The following DGKG variants were observed in gnomAD, a reference collection of about 807,000 sequenced individuals.
The protein encoded by DGKG is DAG kinase gamma.
A neutral mutation model predicts 105.3 loss-of-function variants in DGKG; 78 were observed. The ratio of observed to expected loss-of-function variants is 0.74; its 90% CI spans 0.62 to 0.89. The LOEUF (loss-of-function observed/expected upper bound fraction) is 0.89, where lower values mean the gene tolerates loss of function less well. Among genes scored for constraint, DGKG ranks in the 40% least tolerant of loss-of-function variants. The pLI is 0.00. For synonymous variants in DGKG, 346 were observed against 367.1 expected (o/e 0.94, Z 0.66); for missense variants, 958 against 1,020.1 (o/e 0.94, Z 0.83).
intron 3 of DGKG, among the ~76,000 whole-genome samples, chr3:186,302,531 TAC>T (rs1400633439): frequency 1.3e-4 from 5 of 37,998 alleles, no homozygotes; most frequent in African/African-American, 1.9e-4. Context: ...TATATATATA[TAC>T]ATATGTATAT....
chr3:186,338,169 C>CAAA (rs34436386), intron 1 of DGKG, among the ~76,000 whole-genome samples: 32 of 75,816 alleles, frequency 4.2e-4, no homozygotes, highest in African/African-American at 1.3e-3. Context: ...GACCCTATCT[C>CAAA]AAAAAAAAAA....
At chr3:186,204,040 C>T (rs559299362) in intron 21 of DGKG, among the ~76,000 whole-genome samples, 10 of 152,306 alleles carry the variant, frequency 6.6e-5, no homozygotes, top group African/African-American at 2.4e-4. Context: ...CGTGAGTTCT[C>T]TTCTGCACAT....
At chr3:186,187,260 C>A (rs1717686449) in intron 22 of DGKG, among the ~76,000 whole-genome samples, 1 of 152,168 alleles carries the variant, frequency 6.6e-6, no homozygotes, top group Admixed American at 6.5e-5. Flanking sequence ...ATCCAGGGGA[C>A]AGAGGATGGT....
Position 186,268,933 on chromosome 3 carries a change from G to T in DGKG, c.1000-16C>A. On this transcript the variant is annotated splice_polypyrimidine_tract_variant and intron_variant, in intron 11 of 24. Transcript: ENST00000265022. ...GCTGCATCACCTGCGGGAGGGAAGC[G>T]AACGATGCCAGGGAAAATGGCAGAA... is the stretch of plus-strand genomic sequence containing the variant. The T allele has an allele frequency of 6.3e-7, 1 of 1,580,316 alleles. No individual in the cohort carries two copies. The highest frequency in any genetic ancestry group is 8.7e-7 in the Non-Finnish European group (1 of 1,149,964).
intron 21 of DGKG, among the ~76,000 whole-genome samples, chr3:186,201,477 G>A (rs1270430732): frequency 6.6e-6 from 1 of 152,190 alleles, no homozygotes; most frequent in East Asian, 1.9e-4. Context: ...TGTTGGGTGG[G>A]AAAGAGGTGG....
chr3:186,301,488 G>A (rs1290767737), intron 3 of DGKG, among the ~76,000 whole-genome samples: 3 of 152,210 alleles, frequency 2.0e-5, no homozygotes, highest in South Asian at 4.1e-4. Flanking sequence ...TTAGCTGGGC[G>A]TGGTGGCGGG....
chr3:186,235,253 G>A (rs1275890332), intron 20 of DGKG, among the ~76,000 whole-genome samples: 1 of 152,146 alleles, frequency 6.6e-6, no homozygotes. Flanking sequence ...ACAGGAATAA[G>A]AAAAAACACA....
At chr3:186,200,473 T>G (rs1718398365) in intron 21 of DGKG, among the ~76,000 whole-genome samples, 1 of 152,184 alleles carries the variant, frequency 6.6e-6, no homozygotes, top group Non-Finnish European at 1.5e-5. Context: ...TGAAAAGTAG[T>G]GAGCTTCCTA....
intron 22 of DGKG, among the ~76,000 whole-genome samples, chr3:186,176,591 G>A (rs1456481774): frequency 8.5e-5 from 13 of 152,156 alleles, no homozygotes; most frequent in African/African-American, 2.7e-4. Context: ...AGAATCCTAT[G>A]TTTGGAATAC....
In DGKG at chr3:186,317,681, T is replaced by C. The variant is rs528119915; in HGVS notation, c.67+2712A>G. Among the ~76,000 whole-genome samples, 5 of 152,262 alleles carry C rather than the reference T, an allele frequency of 3.3e-5. No individual in the cohort carries two copies. The South Asian group carries it at 1.0e-3, about 32-fold the overall frequency. ...TACAGTTCCTGGAGTCTGGAAACAATGCGTGCATCAGGAGGCCTCCCACCA... is the reference window on the plus strand; with the variant it reads ...TACAGTTCCTGGAGTCTGGAAACAACGCGTGCATCAGGAGGCCTCCCACCA... On this transcript the variant is annotated intron_variant, in intron 2 of 24. Coordinates refer to ENST00000265022, the MANE Select transcript of DGKG (RefSeq NM_001346.3).
At chr3:186,259,647 G>A (rs978975700) in intron 16 of DGKG, among the ~76,000 whole-genome samples, 24 of 152,172 alleles carry the variant, frequency 1.6e-4, no homozygotes, top group Non-Finnish European at 2.9e-4. Flanking sequence ...TGGGCAAATG[G>A]CTGCGTGCTG....
chr3:186,170,206 T>C (rs1315089374), intron 22 of DGKG, among the ~76,000 whole-genome samples: 1 of 152,206 alleles, frequency 6.6e-6, no homozygotes, highest in Admixed American at 6.5e-5. Context: ...TCAGAATGTG[T>C]GAGCATAGGA....
intron 1 of DGKG, among the ~76,000 whole-genome samples, chr3:186,360,146 G>A (rs1727160351): frequency 6.6e-6 from 1 of 152,112 alleles, no homozygotes; most frequent in Admixed American, 6.5e-5. Flanking sequence ...TGTTGATGGT[G>A]TTGTGTGGGG....
chr3:186,156,187 C>G (rs892949837), intron 24 of DGKG, among the ~76,000 whole-genome samples: 7 of 152,040 alleles, frequency 4.6e-5, no homozygotes, highest in African/African-American at 1.7e-4. Context: ...AATCCCTGCC[C>G]CCAGTGTAAT....
At position 186,257,788 on chromosome 3, in the gene DGKG, C is replaced by T. The variant is rs866728742; in HGVS notation, c.1510+66G>A. 6 of 1,270,540 alleles carry T rather than the reference C, an allele frequency of 4.7e-6. No individual in the cohort carries two copies. The East Asian group carries it at 7.0e-5, about 15-fold the overall frequency. 78.7% of individuals were successfully genotyped at this position (1,270,540 alleles called of 1,614,324 possible). A position where few individuals can be genotyped will look rare whatever the true frequency, so the allele number is the denominator to read the frequency against. The stretch of plus-strand genomic sequence containing the variant: ...CTCCATGTCTCTTTCTTTTTTATTG[C>T]CTTCTGCTGATTGTAAATACGCTTA... On this transcript the variant is annotated intron_variant, in intron 17 of 24. Transcript: ENST00000265022.
At chr3:186,356,432 C>T (rs1025621518) in intron 1 of DGKG, among the ~76,000 whole-genome samples, 11 of 152,034 alleles carry the variant, frequency 7.2e-5, no homozygotes, top group Admixed American at 3.9e-4. Flanking sequence ...GGGCAAGTAT[C>T]GGGTGAAGGC....
At chr3:186,348,827 G>A (rs374390507) in intron 1 of DGKG, among the ~76,000 whole-genome samples, 1 of 152,038 alleles carries the variant, frequency 6.6e-6, no homozygotes, top group East Asian at 1.9e-4. Flanking sequence ...CACAATGTCT[G>A]ACACTTGCTT....
intron 22 of DGKG, among the ~76,000 whole-genome samples, chr3:186,177,999 T>C (rs1367167596): frequency 6.6e-6 from 1 of 152,140 alleles, no homozygotes; most frequent in Non-Finnish European, 1.5e-5. Context: ...GGAGTCCTTG[T>C]GAATGTGATT....
At chr3:186,288,441 T>A (rs1031820313) in intron 6 of DGKG, among the ~76,000 whole-genome samples, 16 of 152,240 alleles carry the variant, frequency 1.1e-4, no homozygotes, top group Non-Finnish European at 1.9e-4. Flanking sequence ...GACCACTTGA[T>A]GGGACCCCTT....
Sources: gnomAD v4.1 joint callset for allele counts (sites outside exome capture counted in the v4.1 genomes callset) on GRCh38, gnomAD v4.1.1 for gene constraint, MANE v1.5 for transcripts, NCBI Gene and HGNC (gene_info 2026-07-23, HGNC 2026-07-21) for gene names.